PCMT1: variants seen among roughly 807,000 people sequenced by gnomAD.
The protein encoded by PCMT1 is protein-L-isoaspartate(D-aspartate) O-methyltransferase.
Under a neutral mutation model 29.2 loss-of-function variants are expected in PCMT1, and 9 were observed. The ratio of observed to expected loss-of-function variants is 0.31; its 90% CI spans 0.19 to 0.54. The LOEUF is 0.54. PCMT1 is among the 20% of genes least tolerant of loss of function. The pLI is 0.95. For missense variants in PCMT1, 184 were observed against 282.2 expected (o/e 0.65, Z 2.49); for synonymous variants, 98 against 97.5 (o/e 1.00, Z -0.03).
chr6:149,793,650 A>G lies in PCMT1; in HGVS notation c.399A>G (p.Ser133=). The G allele has an allele frequency of 1.3e-6, 2 of 1,556,022 alleles. No homozygotes were observed. Among genetic ancestry groups the G allele is most frequent in the African/African-American group, 2.8e-5 (2 of 70,474 alleles). ...AGGACGATCCAACACTTCTGTCTTCAGGGAGAGTACAGCTTGTTGGTAAGT... is the reference window on the plus strand; with the variant it reads ...AGGACGATCCAACACTTCTGTCTTCGGGGAGAGTACAGCTTGTTGGTAAGT... ...VRKDDPTLLS[S]GRVQLVVGDG... The change falls in exon 5 of 8, where the codon TCA becomes TCG. Residue 133 remains serine, a synonymous_variant. Transcript: ENST00000464889.
chr6:149,774,153 C>T (rs1472547734), intron 3 of PCMT1, among the ~76,000 whole-genome samples: 1 of 152,056 alleles, frequency 6.6e-6, no homozygotes, highest in African/African-American at 2.4e-5. Context: ...CTGTGCCCAA[C>T]CTTTTCTTAG....
chr6:149,758,208 C>CTTTTTTTTTTTTTT (rs756014067), intron 1 of PCMT1, among the ~76,000 whole-genome samples: 122 of 73,826 alleles, frequency 1.7e-3, no homozygotes, highest in East Asian at 5.0e-3. Flanking sequence ...TTCTTTCTTT[C>CTTTTTTTTTTTTTT]TTTTTTTTTT....
intron 1 of PCMT1, among the ~76,000 whole-genome samples, chr6:149,769,530 T>G (rs927347009): frequency 6.6e-6 from 1 of 151,638 alleles, no homozygotes; most frequent in African/African-American, 2.4e-5. Context: ...GACAGGCTGG[T>G]CTCAAACTCC....
intron 7 of PCMT1, among the ~76,000 whole-genome samples, chr6:149,806,542 G>A (rs1488093521): frequency 3.3e-5 from 5 of 152,084 alleles, no homozygotes; most frequent in African/African-American, 1.2e-4. Context: ...TTCTTGCCAG[G>A]CTACGTGATT....
At chr6:149,804,688 G>C (rs1775955765) in intron 7 of PCMT1, among the ~76,000 whole-genome samples, 1 of 151,984 alleles carries the variant, frequency 6.6e-6, no homozygotes, top group Admixed American at 6.6e-5. Flanking sequence ...TTTTAGTAGA[G>C]AAGGGGTTTC....
At chr6:149,809,191 A>G (rs186466179) in intron 7 of PCMT1, among the ~76,000 whole-genome samples, 3,872 of 132,186 alleles carry the variant, frequency 0.029, 76 homozygotes, top group Non-Finnish European at 0.042. Context: ...CCTGGGAGGC[A>G]GAGGTTGCAG....
At chr6:149,766,038 T>C (rs1787069895) in intron 1 of PCMT1, among the ~76,000 whole-genome samples, 1 of 152,016 alleles carries the variant, frequency 6.6e-6, no homozygotes, top group South Asian at 2.1e-4. Context: ...TTTGATTCCT[T>C]CTATTACCTG....
intron 3 of PCMT1, among the ~76,000 whole-genome samples, chr6:149,783,145 T>A (rs1055848072): frequency 6.6e-6 from 1 of 152,152 alleles, no homozygotes; most frequent in African/African-American, 2.4e-5. Flanking sequence ...TATTATTATT[T>A]TTTTTCAAGT....
chr6:149,781,785 T>C (rs1395245617), intron 3 of PCMT1, among the ~76,000 whole-genome samples: 2 of 152,240 alleles, frequency 1.3e-5, no homozygotes, highest in Non-Finnish European at 2.9e-5. Context: ...CCATTTTAAG[T>C]GTACCATTTA....
chr6:149,781,190 GTTTTTTTTTT>G (rs1267846983), intron 3 of PCMT1, among the ~76,000 whole-genome samples: 3 of 51,028 alleles, frequency 5.9e-5, no homozygotes, highest in East Asian at 9.3e-4. Flanking sequence ...CCCCTTTCTT[GTTTTTTTTTT>G]TTTGTTTTTT....
chr6:149,786,978 G>T (rs1171654465), intron 3 of PCMT1, among the ~76,000 whole-genome samples: 2 of 129,702 alleles, frequency 1.5e-5, no homozygotes, highest in Non-Finnish European at 3.1e-5. Context: ...CTGCACTCCA[G>T]CCTGGGCACC....
intron 3 of PCMT1, among the ~76,000 whole-genome samples, chr6:149,776,074 G>T (rs575993964): frequency 2.6e-5 from 4 of 152,124 alleles, no homozygotes; most frequent in African/African-American, 7.2e-5. Context: ...CAGGAGAATC[G>T]CTTGAACCCG....
chr6:149,771,970 T>G (rs1219375999), intron 2 of PCMT1: 1 of 456,630 alleles, frequency 2.2e-6, no homozygotes, highest in Admixed American at 2.4e-5. Flanking sequence ...TAATGACTTC[T>G]CTGCTTTATT....
intron 5 of PCMT1, among the ~76,000 whole-genome samples, chr6:149,794,233 GT>G (rs2115320799): frequency 6.6e-6 from 1 of 152,090 alleles, no homozygotes; most frequent in Admixed American, 6.6e-5. Context: ...CCTGATGTTG[GT>G]TTTTGTGTAT....
intron 5 of PCMT1, 84 bp from the exon 6 acceptor site, chr6:149,796,331 T>C: frequency 1.3e-6 from 1 of 759,108 alleles, no homozygotes; most frequent in Non-Finnish European, 2.2e-6. Context: ...CTATCCTTTC[T>C]CCATTGTAAA....
chr6:149,791,415 A>G (rs778089457), intron 4 of PCMT1, among the ~76,000 whole-genome samples: 1 of 152,216 alleles, frequency 6.6e-6, no homozygotes, highest in Non-Finnish European at 1.5e-5. Context: ...CCACTAATAT[A>G]TGTTGGAGTA....
At chr6:149,762,406 G>A (rs1190478102) in intron 1 of PCMT1, among the ~76,000 whole-genome samples, 1 of 150,886 alleles carries the variant, frequency 6.6e-6, no homozygotes, top group East Asian at 1.9e-4. Context: ...AATGGTAATT[G>A]CACATTTACC....
In PCMT1 at chr6:149,798,763, A is replaced by C. The variant is rs143407254; in HGVS notation, c.504+2263A>C. Among the ~76,000 whole-genome samples, 600 of 152,340 alleles carry C rather than the reference A, an allele frequency of 3.9e-3. 3 individuals are homozygous for C. Among genetic ancestry groups the C allele is most frequent in the Non-Finnish European group, 5.9e-3 (398 of 68,022 alleles). ...GACTACAGAGTGAAATATTATGCAT[A>C]CGCAGTTTGCACTGCAAAACTCTGA... is the stretch of plus-strand genomic sequence containing the variant. On this transcript the variant is annotated intron_variant, in intron 6 of 7. Transcript: ENST00000464889.
At chr6:149,781,229 C>CTTTT (rs773565212) in intron 3 of PCMT1, among the ~76,000 whole-genome samples, 1 of 109,362 alleles carries the variant, frequency 9.1e-6, no homozygotes, top group Non-Finnish European at 2.0e-5. Context: ...ATAATTAAAA[C>CTTTT]TTTTTTTTTT....
Sources: allele counts gnomAD v4.1 joint callset (sites outside exome capture counted in the v4.1 genomes callset), GRCh38; gene constraint gnomAD v4.1.1; transcripts MANE v1.5; gene names NCBI Gene and HGNC (gene_info 2026-07-23, HGNC 2026-07-21).